PCED1B: variants seen among roughly 807,000 people sequenced by gnomAD.
PCED1B encodes the protein PC-esterase domain containing 1B, also known as PC-esterase domain-containing protein 1B.
For synonymous variants in PCED1B, 251 were observed against 246.1 expected (o/e 1.02, Z -0.19); for missense variants, 573 against 573.9 (o/e 1.00, Z 0.02).
chr12:47,199,466 G>C (rs915503276), intron 2 of PCED1B, among the ~76,000 whole-genome samples: 7 of 151,958 alleles, frequency 4.6e-5, no homozygotes, highest in Non-Finnish European at 7.3e-5. Context: ...AGAAGTGAAA[G>C]ACTGACACTA....
Position 47,229,461 on chromosome 12 carries a change from C to T in PCED1B, c.-57-5546C>T, listed in dbSNP as rs564750591. On this transcript the variant is annotated intron_variant, in intron 3 of 3. Transcript: ENST00000546455. ...AAATAAAAAACACTCAAAAGTGTTT[C>T]GGATTTCAGATTTTTGGGTGATTTC... Among the ~76,000 whole-genome samples the T allele has an allele frequency of 7.2e-4, 110 of 151,774 alleles. No homozygotes were observed. The Middle Eastern group carries it at 0.014, about 19-fold the overall frequency.
At chr12:47,190,202 T>C (rs868425297) in intron 2 of PCED1B, among the ~76,000 whole-genome samples, 97 of 152,380 alleles carry the variant, frequency 6.4e-4, no homozygotes, top group African/African-American at 2.3e-3. Context: ...CAAAAATGCA[T>C]ACAATTCAGT....
intron 3 of PCED1B, among the ~76,000 whole-genome samples, chr12:47,232,027 T>C (rs1943823975): frequency 6.6e-6 from 1 of 152,230 alleles, no homozygotes; most frequent in South Asian, 2.1e-4. Context: ...TCAACTAGTA[T>C]TTCTGATCTG....
At chr12:47,185,714 G>A (rs189428449) in intron 2 of PCED1B, among the ~76,000 whole-genome samples, 2 of 151,654 alleles carry the variant, frequency 1.3e-5, no homozygotes, top group Admixed American at 1.3e-4. Context: ...GCTTGAACCT[G>A]GGAGGTGGAG....
At chr12:47,181,109 G>A (rs1008952928) in intron 2 of PCED1B, among the ~76,000 whole-genome samples, 5 of 151,452 alleles carry the variant, frequency 3.3e-5, no homozygotes, top group Non-Finnish European at 7.4e-5. Flanking sequence ...TCAGCCTCCT[G>A]GGTAGCTGGG....
At chr12:47,234,857 G>A (rs1943921529) in intron 3 of PCED1B, 150 bp from the exon 4 acceptor site, 3 of 414,012 alleles carry the variant, frequency 7.2e-6, no homozygotes, top group South Asian at 2.2e-4. Context: ...CGGGCTTGGT[G>A]GAGCCTGTTA....
chr12:47,150,890 G>A (rs1311454695), intron 2 of PCED1B, among the ~76,000 whole-genome samples: 2 of 152,134 alleles, frequency 1.3e-5, no homozygotes, highest in African/African-American at 4.8e-5. Context: ...TCTGAGTGAG[G>A]TAGAAAGTCC....
At chr12:47,135,171 T>A (rs565611619) in intron 2 of PCED1B, among the ~76,000 whole-genome samples, 1 of 152,358 alleles carries the variant, frequency 6.6e-6, no homozygotes, top group South Asian at 2.1e-4. Flanking sequence ...TAGATCTAGG[T>A]GAACTTCCAT....
intron 2 of PCED1B, among the ~76,000 whole-genome samples, chr12:47,194,331 C>T (rs962769281): frequency 7.2e-5 from 11 of 152,154 alleles, no homozygotes; most frequent in Admixed American, 5.9e-4. Context: ...CGCAGCACCA[C>T]GCCCAGCTAA....
At chr12:47,172,143 A>G (rs1199777873) in intron 2 of PCED1B, among the ~76,000 whole-genome samples, 1 of 152,018 alleles carries the variant, frequency 6.6e-6, no homozygotes, top group Non-Finnish European at 1.5e-5. Flanking sequence ...TGTTTTTCTG[A>G]TATTTGCATG....
chr12:47,187,579 C>G (rs1023032101), intron 2 of PCED1B, among the ~76,000 whole-genome samples: 3 of 152,068 alleles, frequency 2.0e-5, no homozygotes, highest in African/African-American at 7.2e-5. Flanking sequence ...ATAAATGTGT[C>G]AATATTTTAA....
intron 2 of PCED1B, among the ~76,000 whole-genome samples, chr12:47,141,775 C>G (rs1940601619): frequency 6.6e-6 from 1 of 152,140 alleles, no homozygotes; most frequent in African/African-American, 2.4e-5. Context: ...GAAGACATGC[C>G]CCTTTATGTC....
chr12:47,150,420 A>T (rs1032012699), intron 2 of PCED1B, among the ~76,000 whole-genome samples: 1 of 151,950 alleles, frequency 6.6e-6, no homozygotes. Context: ...CTAAAAAAAA[A>T]TACAAAAATT....
At chr12:47,079,987 G>C (rs905613717) in intron 1 of PCED1B, 2 of 151,854 alleles carry the variant, frequency 1.3e-5, no homozygotes, top group African/African-American at 4.8e-5. Context: ...GCGCGTGGTG[G>C]GGGGCGCGCG....
At chr12:47,149,501 C>T (rs1473306166) in intron 2 of PCED1B, among the ~76,000 whole-genome samples, 2 of 152,204 alleles carry the variant, frequency 1.3e-5, no homozygotes, top group Admixed American at 1.3e-4. Flanking sequence ...AGTAAATGGC[C>T]TACCTATAGG....
chr12:47,200,733 AGTGCAGT>A (rs1183489609), intron 2 of PCED1B, among the ~76,000 whole-genome samples: 1 of 152,250 alleles, frequency 6.6e-6, no homozygotes, highest in Non-Finnish European at 1.5e-5. Context: ...TGCTGATATT[AGTGCAGT>A]GTGCCTACAG....
At chr12:47,156,709 AT>A (rs1430757190) in intron 2 of PCED1B, among the ~76,000 whole-genome samples, 3 of 152,074 alleles carry the variant, frequency 2.0e-5, no homozygotes, top group African/African-American at 7.2e-5. Context: ...TTAGACACAC[AT>A]TCTGAGTGCT....
At chr12:47,117,503 C>G (rs571291689) in intron 2 of PCED1B, among the ~76,000 whole-genome samples, 7 of 152,164 alleles carry the variant, frequency 4.6e-5, no homozygotes, top group Non-Finnish European at 8.8e-5. Context: ...CAGCTTCATC[C>G]ATGTCCCTAC....
intron 2 of PCED1B, among the ~76,000 whole-genome samples, chr12:47,171,876 CTT>C (rs1941750963): frequency 6.8e-6 from 1 of 147,298 alleles, no homozygotes; most frequent in African/African-American, 2.6e-5. Context: ...CCTTCTTCTT[CTT>C]TTCTTCTTCT....
Sources: gnomAD v4.1 joint callset for allele counts (sites outside exome capture counted in the v4.1 genomes callset) on GRCh38, gnomAD v4.1.1 for gene constraint, MANE v1.5 for transcripts, NCBI Gene and HGNC (gene_info 2026-07-23, HGNC 2026-07-21) for gene names.